The following DNAH17 variants were observed in gnomAD, a reference collection of about 807,000 sequenced individuals.
The protein encoded by DNAH17 is axonemal beta dynein heavy chain 17.
DNAH17 carries 376 observed loss-of-function variants against 485.6 expected under a neutral mutation model. The observed-to-expected ratio is 0.77, with a 90% confidence interval of 0.71 to 0.84. The LOEUF (loss-of-function observed/expected upper bound fraction) is 0.84. DNAH17 is among the 40% of genes least tolerant of loss of function. The probability of loss-of-function intolerance (pLI) is 0.00; values close to 1 mark genes in which losing one functional copy is unlikely to be tolerated. For missense variants in DNAH17, 6,370 were observed against 5,839.3 expected, an observed-to-expected ratio of 1.09 and a Z score of -2.96; for synonymous variants, 3,031 against 2,405.9, an observed-to-expected ratio of 1.26 and a Z score of -7.60.
At position 78,532,679 on chromosome 17, in the gene DNAH17, C is replaced by A; in HGVS notation, c.2917G>T (p.Val973Phe). The change falls in exon 20 of 81, where the codon GTC becomes TTC. Residue 973 changes from valine to phenylalanine, a missense_variant. Transcript: ENST00000389840. ...IEMREEVSSL[V>F]INAMKEAEEY... Reference sequence around the variant, plus strand: ...TCGGCCTCCTTCATGGCATTGATGACCAGGCTGGACACCTCCTCCCTCATC... The same window carrying A: ...TCGGCCTCCTTCATGGCATTGATGAACAGGCTGGACACCTCCTCCCTCATC... The A allele has an allele frequency of 6.3e-7, 1 of 1,593,124 alleles. No individual in the cohort carries two copies. The highest frequency in any genetic ancestry group is 8.6e-7 in the Non-Finnish European group (1 of 1,168,712).
rs200500239 is a variant in DNAH17, at chr17:78,542,123, C to CA, written c.2532+1733_2532+1734insT. Among the ~76,000 whole-genome samples the CA allele has an allele frequency of 9.3e-3, 1,393 of 150,344 alleles. 24 individuals are homozygous for CA. The highest frequency in any genetic ancestry group is 0.033 in the African/African-American group (1,345 of 40,674). On this transcript the variant is annotated intron_variant, in intron 17 of 80. Transcript: ENST00000389840. ...GCACCACCCACTGGAAACCGCCCCCCCCAAAAACTGCCCTAAAATACTTTT... is the reference window on the plus strand; with the variant it reads ...GCACCACCCACTGGAAACCGCCCCCCACCAAAAACTGCCCTAAAATACTTTT...
In DNAH17 at chr17:78,424,502, G is replaced by A. The variant is rs75690512; in HGVS notation, c.13142-349C>T. The stretch of plus-strand genomic sequence containing the variant: ...AGAGTAAAGTTCCCTGATTCTTAAT[G>A]TGTAATGTCTGCCCTATGTGTACAT... On this transcript the variant is annotated intron_variant, in intron 80 of 80. Transcript: ENST00000389840. 539 of 281,404 alleles carry A rather than the reference G, an allele frequency of 1.9e-3. 1 individual carries two copies. The highest frequency in any genetic ancestry group is 9.3e-3 in the African/African-American group (437 of 47,094). The allele number at this position is 281,404 out of a possible 1,614,324, so 17.4% of individuals were successfully genotyped here.
chr17:78,503,180 T>A lies in DNAH17; in HGVS notation c.4957-169A>T, dbSNP rs1014469995. The A allele has an allele frequency of 8.6e-5, 53 of 619,198 alleles. 1 individual carries two copies. Among genetic ancestry groups the A allele is most frequent in the Non-Finnish European group, 1.2e-4 (52 of 430,372 alleles). 38.4% of individuals were successfully genotyped at this position (619,198 alleles called of 1,614,324 possible). A position where few individuals can be genotyped will look rare whatever the true frequency, so the allele number is the denominator to read the frequency against. On this transcript the variant is annotated intron_variant, in intron 31 of 80. Coordinates refer to ENST00000389840, the MANE Select transcript of DNAH17 (RefSeq NM_173628.4). ...TAACAGTGACACACCTTTTTTTTTTTTTTTTTTTTTTTTTTTTAAGATGGA... is the reference window on the plus strand; with the variant it reads ...TAACAGTGACACACCTTTTTTTTTTATTTTTTTTTTTTTTTTTAAGATGGA...
chr17:78,449,476 A>T lies in DNAH17; in HGVS notation c.11149T>A (p.Tyr3717Asn). 1 of 1,566,494 alleles carries T rather than the reference A, an allele frequency of 6.4e-7. No individual in the cohort carries two copies. The highest frequency in any genetic ancestry group is 1.9e-5 in the Admixed American group (1 of 52,460). Residue 3717 changes from tyrosine (Y) to asparagine (N), a missense_variant, in exon 69 of 81, where the codon TAC becomes AAC. Physicochemically the swap from Tyr to Asn is moderately radical, Grantham distance 143 (BLOSUM62 -2). Transcript: ENST00000389840. ...CTCTCGAAGAGTCCCCGGGCCGTGT[A>T]CATGTAGACGGAGTAGGTGATCTCG... ...TDEITYSVYMYTARGLFERDK... is the reference protein window; with the variant it reads ...TDEITYSVYMNTARGLFERDK...
chr17:78,475,928 A>G, intron 52 of DNAH17, 95 bp from the exon 53 acceptor site: 1 of 1,394,114 alleles, frequency 7.2e-7, no homozygotes, highest in Non-Finnish European at 9.6e-7. Flanking sequence ...AAGGTGGCCT[A>G]GGAGGTCACC....
At chr17:78,450,032 G>C (rs2087478385) in intron 68 of DNAH17, 2 of 575,304 alleles carry the variant, frequency 3.5e-6, no homozygotes, top group Non-Finnish European at 6.2e-6. Context: ...GAAGAGCAGG[G>C]AGGAGGGAGC....
chr17:78,551,716 C>A, intron 15 of DNAH17, 78 bp from the exon 16 acceptor site: 3 of 1,432,010 alleles, frequency 2.1e-6, no homozygotes, highest in South Asian at 1.2e-5. Flanking sequence ...GTAATCTCAG[C>A]CCTTTGGGAG....
chr17:78,450,807 G>T lies in DNAH17; in HGVS notation c.10774C>A (p.Leu3592Met), dbSNP rs766484992. The change falls in exon 67 of 81, where the codon CTG becomes ATG. Residue 3592 changes from leucine (L) to methionine (M), a missense_variant. Coordinates refer to ENST00000389840, the MANE Select transcript of DNAH17 (RefSeq NM_173628.4). ...AGGAGCGAATCTTCCAGCTCTTTCA[G>T]AACAATCTTAAATTCGTTTTGAGAC... ...TKSQNEFKIVLKELEDSLLAR... is the reference protein window; with the variant it reads ...TKSQNEFKIVMKELEDSLLAR... 7 of 1,614,036 alleles carry T rather than the reference G, an allele frequency of 4.3e-6. No individual in the cohort carries two copies. In the South Asian group the frequency reaches 7.7e-5, roughly 18 times the overall value.
chr17:78,468,595 C>T, intron 55 of DNAH17, 22 bp downstream of exon 55: 2 of 1,604,810 alleles, frequency 1.2e-6, no homozygotes, highest in South Asian at 2.2e-5. Flanking sequence ...TCTTGAGGCC[C>T]TGCCGAAGAC....
intron 9 of DNAH17, 113 bp from the exon 10 acceptor site, chr17:78,567,279 G>A (rs934090912): frequency 2.7e-6 from 3 of 1,108,816 alleles, no homozygotes; most frequent in East Asian, 2.6e-5. Context: ...AATGTCCCCA[G>A]GAGACACCAA....
At chr17:78,439,576 G>A (rs2086986827) in intron 72 of DNAH17, among the ~76,000 whole-genome samples, 1 of 151,658 alleles carries the variant, frequency 6.6e-6, no homozygotes, top group Non-Finnish European at 1.5e-5. Flanking sequence ...CAAGGGAACT[G>A]CACAATATGG....
intron 29 of DNAH17, 135 bp from the exon 30 acceptor site, chr17:78,506,981 G>T: frequency 7.6e-7 from 1 of 1,323,346 alleles, no homozygotes; most frequent in Non-Finnish European, 1.0e-6. Context: ...GTTTAATTCA[G>T]AATCTCCTAC....
chr17:78,544,074 T>C (rs1234187802), intron 16 of DNAH17, 77 bp from the exon 17 acceptor site: 2 of 1,596,004 alleles, frequency 1.3e-6, no homozygotes, highest in Non-Finnish European at 1.7e-6. Context: ...CTGTGTGCTT[T>C]TGATGTGAGT....
intron 9 of DNAH17, 90 bp from the exon 10 acceptor site, chr17:78,567,256 A>G: frequency 2.1e-6 from 3 of 1,418,962 alleles, no homozygotes; most frequent in South Asian, 2.5e-5. Context: ...AGGCAGGAGG[A>G]GCTGGGGAGC....
intron 63 of DNAH17, among the ~76,000 whole-genome samples, 164 bp downstream of exon 63, chr17:78,455,480 A>T (rs905471489): frequency 6.6e-6 from 1 of 150,676 alleles, no homozygotes; most frequent in Non-Finnish European, 1.5e-5. Context: ...GCCCCCCACC[A>T]AGCCTGGCTA....
At chr17:78,539,380 CTGT>C (rs1179128178) in intron 18 of DNAH17, among the ~76,000 whole-genome samples, 4 of 152,218 alleles carry the variant, frequency 2.6e-5, no homozygotes, top group African/African-American at 9.6e-5. Flanking sequence ...AGGTGAGTGG[CTGT>C]TGTTGCTGAC....
At position 78,455,855 on chromosome 17, in the gene DNAH17, GAAT is replaced by G; in HGVS notation, c.9978-22_9978-20del. ...GACCAGCCTAAAGTGGGATGAGAGA[GAAT>G]AAAACATATTTGCACAAGTGAGGGG... On this transcript the variant is annotated intron_variant, in intron 62 of 80. Coordinates refer to ENST00000389840, the MANE Select transcript of DNAH17 (RefSeq NM_173628.4). 6.4e-7 allele frequency: 1 copy of G among 1,562,854 alleles called. No individual in the cohort carries two copies. Among genetic ancestry groups the G allele is most frequent in the Non-Finnish European group, 8.7e-7 (1 of 1,152,878 alleles).
intron 19 of DNAH17, among the ~76,000 whole-genome samples, chr17:78,536,587 G>A (rs1217530355): frequency 1.3e-5 from 2 of 151,124 alleles, no homozygotes; most frequent in Non-Finnish European, 3.0e-5. Context: ...AGACTGAGGC[G>A]GGAGGATCAA....
At chr17:78,566,803 G>T in intron 10 of DNAH17, 73 bp from the exon 11 acceptor site, 1 of 1,354,650 alleles carries the variant, frequency 7.4e-7, no homozygotes, top group Non-Finnish European at 1.0e-6. Context: ...TCCAGCCCCT[G>T]CCCTGCTGAG....
Sources: allele counts gnomAD v4.1 joint callset (sites outside exome capture counted in the v4.1 genomes callset), GRCh38; gene constraint gnomAD v4.1.1; transcripts MANE v1.5; gene names NCBI Gene and HGNC (gene_info 2026-07-23, HGNC 2026-07-21).